IGF1R: variants seen among roughly 807,000 people sequenced by gnomAD.
IGF1R encodes the protein insulin like growth factor 1 receptor.
In IGF1R, 44 loss-of-function variants were observed where a neutral mutation model predicts 144.6. The observed-to-expected ratio is 0.30, with a 90% confidence interval of 0.24 to 0.39. IGF1R has a LOEUF of 0.39. Ranked by LOEUF, IGF1R falls within the 10% of genes least tolerant of loss-of-function variation. The pLI is 1.00. For missense variants in IGF1R, 1,355 were observed against 1,833.7 expected (o/e 0.74, Z 4.77); for synonymous variants, 795 against 722.8 (o/e 1.10, Z -1.60).
chr15:98,799,889 G>A (rs554481897), intron 2 of IGF1R, among the ~76,000 whole-genome samples: 4 of 152,300 alleles, frequency 2.6e-5, no homozygotes, highest in African/African-American at 9.6e-5. Flanking sequence ...TCTTGTCTCT[G>A]GAGAGAATTT....
At chr15:98,845,075 C>T (rs1017018399) in intron 2 of IGF1R, among the ~76,000 whole-genome samples, 1 of 152,134 alleles carries the variant, frequency 6.6e-6, no homozygotes, top group Non-Finnish European at 1.5e-5. Context: ...AGCCGTGGAA[C>T]GACCTGGGCA....
chr15:98,677,265 T>C (rs2053071477), intron 1 of IGF1R, among the ~76,000 whole-genome samples: 1 of 152,186 alleles, frequency 6.6e-6, no homozygotes, highest in South Asian at 2.1e-4. Flanking sequence ...TGATTATTGG[T>C]TGTGTGTGAG....
chr15:98,714,972 G>A (rs1220115293), intron 2 of IGF1R, among the ~76,000 whole-genome samples: 1 of 152,178 alleles, frequency 6.6e-6, no homozygotes, highest in African/African-American at 2.4e-5. Flanking sequence ...GGAGGGGCTT[G>A]TGGACCCTGG....
rs139873328 is a variant in IGF1R at position 98,703,675 on chromosome 15, TC to T, written c.95-3885del. Among the ~76,000 whole-genome samples the T allele has an allele frequency of 5.4e-4, 83 of 152,360 alleles. No homozygotes were observed. In the East Asian group the frequency reaches 0.013, roughly 24 times the overall value. On this transcript the variant is annotated intron_variant, in intron 1 of 20. Transcript: ENST00000650285. ...CTTTCATTTGAAGGAAATTCACAGT[TC>T]CAGCTCTGTAGTGTGGCCTCTGTTA...
At chr15:98,811,290 A>C (rs1193761815) in intron 2 of IGF1R, among the ~76,000 whole-genome samples, 2 of 150,042 alleles carry the variant, frequency 1.3e-5, no homozygotes, top group African/African-American at 4.9e-5. Flanking sequence ...GGAGGCTGAG[A>C]CGGGCAGATC....
intron 2 of IGF1R, among the ~76,000 whole-genome samples, chr15:98,845,146 G>A (rs1479845857): frequency 6.6e-6 from 1 of 152,122 alleles, no homozygotes; most frequent in Non-Finnish European, 1.5e-5. Flanking sequence ...CAGTAGCACC[G>A]AGAGTAGGGA....
chr15:98,851,608 CA>C (rs1189185151), intron 2 of IGF1R, among the ~76,000 whole-genome samples: 1 of 152,192 alleles, frequency 6.6e-6, no homozygotes, highest in African/African-American at 2.4e-5. Context: ...GAGGCATCCC[CA>C]GGTGCTGCCC....
chr15:98,952,303 AACACAC>A (rs143223923), intron 20 of IGF1R, among the ~76,000 whole-genome samples: 17 of 146,678 alleles, frequency 1.2e-4, no homozygotes, highest in Middle Eastern at 3.4e-3. Flanking sequence ...GTACCCCACC[AACACAC>A]ACACACACAC....
At chr15:98,755,315 C>T (rs970877054) in intron 2 of IGF1R, among the ~76,000 whole-genome samples, 2 of 151,738 alleles carry the variant, frequency 1.3e-5, no homozygotes, top group African/African-American at 4.8e-5. Flanking sequence ...ATAGTTTAGT[C>T]GAGCCATCAT....
chr15:98,957,223 G>A lies in IGF1R; in HGVS notation c.3885G>A (p.Leu1295=). 6.2e-7 allele frequency: 1 copy of A among 1,614,254 alleles called. No homozygotes were observed. The change falls in exon 21 of 21, where the codon CTG becomes CTA. Residue 1295 remains leucine, a synonymous_variant. Coordinates refer to ENST00000650285, the MANE Select transcript of IGF1R (RefSeq NM_000875.5). ...TGCCCGAGCCGGAGGAGCTGGACCT[G>A]GAGCCAGAGAACATGGAGAGCGTCC... The part of the protein sequence containing the change: ...NKLPEPEELD[L]EPENMESVPL...
Position 98,908,740 on chromosome 15 carries a change from G to A in IGF1R, c.1303G>A (p.Asp435Asn), listed in dbSNP as rs370965676. Reference sequence around the variant, plus strand: ...GAACTTGCAGCAACTGTGGGACTGGGACCACCGCAACCTGACCATCAAAGC... The same window carrying A: ...GAACTTGCAGCAACTGTGGGACTGGAACCACCGCAACCTGACCATCAAAGC... ...NQNLQQLWDW[D>N]HRNLTIKAGK... Residue 435 changes from aspartate (D) to asparagine (N), a missense_variant, in exon 6 of 21, where the codon GAC becomes AAC. Around this residue, in one of 7 missense-constraint regions of IGF1R, gnomAD observed 880 missense variants for 1,202.7 expected, o/e 0.73. Coordinates refer to ENST00000650285, the MANE Select transcript of IGF1R (RefSeq NM_000875.5). 25 of 1,613,988 alleles carry A rather than the reference G, an allele frequency of 1.5e-5. No individual in the cohort carries two copies. Among genetic ancestry groups the A allele is most frequent in the Non-Finnish European group, 1.9e-5 (23 of 1,180,012 alleles).
chr15:98,919,989 G>A (rs141695927), intron 10 of IGF1R, among the ~76,000 whole-genome samples: 1 of 152,314 alleles, frequency 6.6e-6, no homozygotes, highest in Non-Finnish European at 1.5e-5. Context: ...GAAGTACAGT[G>A]GAAGCTAGAG....
intron 1 of IGF1R, among the ~76,000 whole-genome samples, chr15:98,680,879 T>A (rs556360918): frequency 3.3e-5 from 5 of 149,376 alleles, no homozygotes; most frequent in East Asian, 1.9e-4. Context: ...TTTTTTTTTT[T>A]ATCCTTCTTA....
intron 2 of IGF1R, among the ~76,000 whole-genome samples, chr15:98,725,471 C>T (rs1485783922): frequency 6.6e-6 from 1 of 152,120 alleles, no homozygotes; most frequent in African/African-American, 2.4e-5. Flanking sequence ...GATTTGAACC[C>T]CAGTTCCTCC....
intron 20 of IGF1R, among the ~76,000 whole-genome samples, chr15:98,952,623 C>T (rs573113748): frequency 2.4e-4 from 36 of 152,192 alleles, no homozygotes; most frequent in African/African-American, 8.7e-4. Context: ...CTCTTTGACT[C>T]GGGTAAACGT....
intron 2 of IGF1R, among the ~76,000 whole-genome samples, chr15:98,718,014 G>A (rs2054161837): frequency 1.3e-5 from 2 of 152,112 alleles, no homozygotes; most frequent in South Asian, 4.2e-4. Context: ...CTCCCACCCA[G>A]CCTCTTCTCC....
intron 5 of IGF1R, among the ~76,000 whole-genome samples, chr15:98,906,685 T>C (rs1056706450): frequency 3.3e-5 from 5 of 152,252 alleles, no homozygotes; most frequent in Non-Finnish European, 5.9e-5. Context: ...CTGGGATCAT[T>C]TGGACAATGT....
intron 1 of IGF1R, among the ~76,000 whole-genome samples, chr15:98,659,871 C>G (rs1055590931): frequency 2.0e-5 from 3 of 152,202 alleles, no homozygotes; most frequent in Non-Finnish European, 4.4e-5. Flanking sequence ...TCCCCTTTGG[C>G]TATTCTATGT....
chr15:98,787,666 C>T lies in IGF1R; in HGVS notation c.640+79559C>T, dbSNP rs540309879. 2.8e-4 allele frequency among the ~76,000 whole-genome samples: 43 copies of T among 151,990 alleles called. 1 individual carries two copies. The South Asian group carries it at 6.4e-3, about 23-fold the overall frequency. On this transcript the variant is annotated intron_variant, in intron 2 of 20. Coordinates refer to ENST00000650285, the MANE Select transcript of IGF1R (RefSeq NM_000875.5). ...ACCTCTCACCCTAGGTCTCTTAAAA[C>T]AGAGACCTCTCACCACTTTCTAACT...
Sources: gnomAD v4.1 joint callset for allele counts (sites outside exome capture counted in the v4.1 genomes callset) on GRCh38, gnomAD v4.1.1 for gene constraint, gnomAD v4.1.1 regional missense constraint, MANE v1.5 for transcripts, NCBI Gene and HGNC (gene_info 2026-07-23, HGNC 2026-07-21) for gene names.